The following DGLUCY variants were observed in gnomAD, a reference collection of about 807,000 sequenced individuals.
DGLUCY encodes D-glutamate cyclase, mitochondrial.
Under a neutral mutation model 58.5 loss-of-function variants are expected in DGLUCY, and 58 were observed. That is an observed-to-expected ratio of 0.99 (90% CI 0.80 to 1.23). The LOEUF (loss-of-function observed/expected upper bound fraction) is 1.23. Among genes scored for constraint, DGLUCY ranks in the 50% most tolerant of loss-of-function variants. DGLUCY has a pLI of 0.00. For missense variants in DGLUCY, 779 were observed against 784.7 expected (o/e 0.99, Z 0.09); for synonymous variants, 325 against 314.1 (o/e 1.03, Z -0.37).
At chr14:91,180,881 A>T (rs1054772514) in intron 7 of DGLUCY, among the ~76,000 whole-genome samples, 1 of 152,228 alleles carries the variant, frequency 6.6e-6, no homozygotes, top group African/African-American at 2.4e-5. Flanking sequence ...ACACTTCCTG[A>T]TATCCATGGG....
intron 12 of DGLUCY, among the ~76,000 whole-genome samples, chr14:91,212,744 T>C (rs1301257714): frequency 6.6e-6 from 1 of 151,298 alleles, no homozygotes; most frequent in Non-Finnish European, 1.5e-5. Flanking sequence ...GGCTCACACC[T>C]GTAATCCCAG....
At chr14:91,117,977 A>G (rs971597302) in intron 1 of DGLUCY, among the ~76,000 whole-genome samples, 99 of 152,160 alleles carry the variant, frequency 6.5e-4, no homozygotes, top group African/African-American at 2.1e-3. Flanking sequence ...TGGATTCAAG[A>G]TAAAAGGGGT....
At chr14:91,083,473 G>A (rs2044160653) in intron 1 of DGLUCY, among the ~76,000 whole-genome samples, 1 of 147,640 alleles carries the variant, frequency 6.8e-6, no homozygotes, top group South Asian at 2.2e-4. Context: ...AGTGAGCTGA[G>A]ATCGTGCCAC....
chr14:91,193,095 G>T (rs112109215), intron 9 of DGLUCY, among the ~76,000 whole-genome samples: 2 of 152,194 alleles, frequency 1.3e-5, no homozygotes, highest in African/African-American at 4.8e-5. Flanking sequence ...TTGCGTCCTG[G>T]GTCTCCCTGT....
chr14:91,199,492 A>T (rs1389911141), intron 10 of DGLUCY, among the ~76,000 whole-genome samples: 2 of 151,774 alleles, frequency 1.3e-5, no homozygotes, highest in African/African-American at 4.8e-5. Context: ...ACCTCAAGTG[A>T]TCCACCTGCT....
At chr14:91,076,549 T>A (rs1248101494) in intron 1 of DGLUCY, among the ~76,000 whole-genome samples, 2 of 152,112 alleles carry the variant, frequency 1.3e-5, no homozygotes, top group Non-Finnish European at 1.5e-5. Flanking sequence ...TGTGCAATAG[T>A]GTCTTGAGTG....
At chr14:91,096,725 G>A (rs1459131305) in intron 1 of DGLUCY, among the ~76,000 whole-genome samples, 1 of 152,058 alleles carries the variant, frequency 6.6e-6, no homozygotes, top group Non-Finnish European at 1.5e-5. Context: ...ACCTACCAAG[G>A]TTTCAGCGTG....
chr14:91,177,187 G>T (rs951600465), intron 7 of DGLUCY, among the ~76,000 whole-genome samples: 2 of 152,120 alleles, frequency 1.3e-5, no homozygotes, highest in Non-Finnish European at 2.9e-5. Flanking sequence ...TTTTTGTAGA[G>T]ATGGGGTCTT....
chr14:91,113,041 C>T (rs1187555808), upstream of DGLUCY, among the ~76,000 whole-genome samples: 6 of 150,536 alleles, frequency 4.0e-5, no homozygotes, highest in Admixed American at 4.0e-4. Flanking sequence ...ATAGCTCATG[C>T]CTGTAATCCC....
chr14:91,168,957 C>T (rs973789771), intron 4 of DGLUCY, among the ~76,000 whole-genome samples: 2 of 151,938 alleles, frequency 1.3e-5, no homozygotes, highest in Non-Finnish European at 2.9e-5. Context: ...CATGGTGGTT[C>T]GGGCCTATGA....
At chr14:91,073,076 T>C (rs528040207) in intron 1 of DGLUCY, among the ~76,000 whole-genome samples, 2 of 152,238 alleles carry the variant, frequency 1.3e-5, no homozygotes, top group Non-Finnish European at 2.9e-5. Context: ...GGAAGATGGC[T>C]CCCATGCCTT....
At chr14:91,155,444 C>A (rs531610266) in intron 1 of DGLUCY, among the ~76,000 whole-genome samples, 60 of 152,338 alleles carry the variant, frequency 3.9e-4, no homozygotes, top group Admixed American at 1.2e-3. Flanking sequence ...TGGCATACAA[C>A]TTCTAAAATC....
chr14:91,096,947 A>G (rs1366554986), intron 1 of DGLUCY, among the ~76,000 whole-genome samples: 2 of 152,242 alleles, frequency 1.3e-5, no homozygotes, highest in East Asian at 3.8e-4. Flanking sequence ...AGATTAACTC[A>G]TACAATTTCA....
At chr14:91,108,014 G>A (rs1302088906) in exon 1 of DGLUCY, 1 of 152,522 alleles carries the variant, frequency 6.6e-6, no homozygotes, top group African/African-American at 2.4e-5. Context: ...CGAGAGCAAA[G>A]GGAAGGGTTT....
At chr14:91,205,957 A>G (rs2140645824) in intron 12 of DGLUCY, among the ~76,000 whole-genome samples, 1 of 144,968 alleles carries the variant, frequency 6.9e-6, no homozygotes, top group Non-Finnish European at 1.5e-5. Flanking sequence ...CTCCTGCCTC[A>G]GCCTCCCGAG....
chr14:91,134,594 C>T (rs1206766169), intron 1 of DGLUCY, among the ~76,000 whole-genome samples: 1 of 151,936 alleles, frequency 6.6e-6, no homozygotes, highest in Non-Finnish European at 1.5e-5. Context: ...TGTGCCATCA[C>T]GTTCGGCTAA....
chr14:91,062,558 AATATATATAT>A (rs1157690131), intron 1 of DGLUCY, among the ~76,000 whole-genome samples: 1 of 23,694 alleles, frequency 4.2e-5, no homozygotes, highest in African/African-American at 1.9e-4. Flanking sequence ...AAAAAAAAAA[AATATATATAT>A]ATATATATAT....
chr14:91,067,093 A>AAG (rs1555387558), intron 1 of DGLUCY, among the ~76,000 whole-genome samples: 1 of 151,560 alleles, frequency 6.6e-6, no homozygotes, highest in Non-Finnish European at 1.5e-5. Context: ...AAAAAAAAAA[A>AAG]AAAAAAGAAA....
At chr14:91,075,473 T>A (rs2044004786) in intron 1 of DGLUCY, among the ~76,000 whole-genome samples, 1 of 152,162 alleles carries the variant, frequency 6.6e-6, no homozygotes, top group Admixed American at 6.5e-5. Context: ...ATAAGAGCCC[T>A]TGTTTGTCCT....
Sources: gnomAD v4.1 joint callset for allele counts (sites outside exome capture counted in the v4.1 genomes callset) on GRCh38, gnomAD v4.1.1 for gene constraint, MANE v1.5 for transcripts, NCBI Gene and HGNC (gene_info 2026-07-23, HGNC 2026-07-21) for gene names.